RHEB: variants seen among roughly 807,000 people sequenced by gnomAD.
The protein encoded by RHEB is Ras homolog, mTORC1 binding.
A neutral mutation model predicts 28.8 loss-of-function variants in RHEB; 2 were observed. The observed-to-expected ratio is 0.07, with a 90% CI of 0.03 to 0.22. RHEB has a LOEUF of 0.22. Ranked by LOEUF, RHEB falls within the 10% of genes least tolerant of loss-of-function variation. The probability of loss-of-function intolerance (pLI) is 1.00; values close to 1 mark genes in which losing one functional copy is unlikely to be tolerated. For synonymous variants in RHEB, 69 were observed against 77.3 expected, an observed-to-expected ratio of 0.89 and a Z score of 0.56; for missense variants, 76 against 219.9, an observed-to-expected ratio of 0.35 and a Z score of 4.14.
At chr7:151,476,647 G>T (rs187150109) in intron 4 of RHEB, among the ~76,000 whole-genome samples, 1 of 152,242 alleles carries the variant, frequency 6.6e-6, no homozygotes, top group African/African-American at 2.4e-5. Flanking sequence ...CTAACATGTC[G>T]CACACACTCA....
In RHEB at chr7:151,466,586, C is replaced by G. The variant is rs1027009909; in HGVS notation, c.*533G>C. On this transcript the variant is annotated 3_prime_UTR_variant, in exon 8 of 8. Transcript: ENST00000262187. ...ACGGTCAGCAGCCACCTCAGCACAC[C>G]TCCTCCTGTGGCCACATCTTCACTG... 6.4e-6 allele frequency: 1 copy of G among 155,366 alleles called. No homozygotes were observed. The highest frequency in any genetic ancestry group is 6.5e-5 in the Admixed American group (1 of 15,434). The allele number at this position is 155,366 out of a possible 1,614,324, so 9.6% of individuals were successfully genotyped here.
intron 7 of RHEB, 55 bp from the exon 8 acceptor site, chr7:151,467,266 G>A (rs1420858112): frequency 3.1e-6 from 4 of 1,296,604 alleles, no homozygotes; most frequent in Middle Eastern, 1.8e-4. Context: ...AACTCCGAGA[G>A]TATTTTACGG....
chr7:151,501,658 G>C (rs1229079272), intron 1 of RHEB, among the ~76,000 whole-genome samples: 1 of 152,166 alleles, frequency 6.6e-6, no homozygotes, highest in Non-Finnish European at 1.5e-5. Flanking sequence ...TGTTTATACT[G>C]GTTTTACTCA....
At chr7:151,479,545 T>C (rs567289958) in intron 3 of RHEB, among the ~76,000 whole-genome samples, 4 of 151,920 alleles carry the variant, frequency 2.6e-5, no homozygotes, top group South Asian at 2.1e-4. Flanking sequence ...TAGCTGGGCG[T>C]GGTGGCGGGC....
rs948841083 is a variant in RHEB at position 151,468,439 on chromosome 7, A to G, written c.463-1228T>C. ...ACCGTAAACGCTGCCCAGGGAAAAC[A>G]CACACCGCTCACTGCTGACCTCACA... On this transcript the variant is annotated intron_variant, in intron 7 of 7. Coordinates refer to ENST00000262187, the MANE Select transcript of RHEB (RefSeq NM_005614.4). This position sits in a 1 kb window ranked among gnomAD's most constrained non-coding sequence, Gnocchi z 4.3. Among the ~76,000 whole-genome samples, 3 of 152,112 alleles carry G rather than the reference A, an allele frequency of 2.0e-5. No homozygotes were observed. The highest frequency in any genetic ancestry group is 4.4e-5 in the Non-Finnish European group (3 of 68,024).
At chr7:151,500,783 A>T (rs1320700659) in intron 1 of RHEB, among the ~76,000 whole-genome samples, 1 of 152,206 alleles carries the variant, frequency 6.6e-6, no homozygotes, top group African/African-American at 2.4e-5. Context: ...CCAGGATTTA[A>T]GACCTGCCTG....
At chr7:151,504,364 G>T (rs1003537442) in intron 1 of RHEB, among the ~76,000 whole-genome samples, 2 of 152,186 alleles carry the variant, frequency 1.3e-5, no homozygotes, top group African/African-American at 4.8e-5. Context: ...TGGTATACAA[G>T]GGGGACTGGT....
intron 1 of RHEB, among the ~76,000 whole-genome samples, chr7:151,505,687 G>A (rs1214888117): frequency 6.6e-6 from 1 of 152,148 alleles, no homozygotes; most frequent in African/African-American, 2.4e-5. Flanking sequence ...TGTCCACGAA[G>A]ACATTTACTC....
At chr7:151,473,939 T>C (rs1355298388) in intron 4 of RHEB, among the ~76,000 whole-genome samples, 2 of 152,128 alleles carry the variant, frequency 1.3e-5, no homozygotes, top group Non-Finnish European at 2.9e-5. Context: ...ATCACAGCAA[T>C]CTAAATAGTT....
At chr7:151,485,388 A>C (rs187878957) in intron 2 of RHEB, among the ~76,000 whole-genome samples, 1 of 152,384 alleles carries the variant, frequency 6.6e-6, no homozygotes, top group Admixed American at 6.5e-5. Context: ...GGAGGAAAGA[A>C]AATCAGACTT....
At chr7:151,481,329 C>T (rs974539006) in intron 3 of RHEB, among the ~76,000 whole-genome samples, 1 of 152,178 alleles carries the variant, frequency 6.6e-6, no homozygotes, top group African/African-American at 2.4e-5. Flanking sequence ...ACATAAACTA[C>T]TAAGTAGTAA....
At position 151,466,129 on chromosome 7, in the gene RHEB, T is replaced by TC. The variant is rs1802056437; in HGVS notation, c.*989dup. 1 of 152,200 alleles carries TC rather than the reference T, an allele frequency of 6.6e-6. No individual in the cohort carries two copies. The highest frequency in any genetic ancestry group is 1.5e-5 in the Non-Finnish European group (1 of 68,028). The allele number at this position is 152,200 out of a possible 1,614,324, so 9.4% of individuals were successfully genotyped here. A position where few individuals can be genotyped will look rare whatever the true frequency, so the allele number is the denominator to read the frequency against. ...AATCGTTTAAAAAGCACTGCTCAACTCCAAGTTTGACTTACAGACAAGGTA... is the reference window on the plus strand; with the variant it reads ...AATCGTTTAAAAAGCACTGCTCAACTCCCAAGTTTGACTTACAGACAAGGTA... On this transcript the variant is annotated 3_prime_UTR_variant, in exon 8 of 8. Transcript: ENST00000262187.
intron 1 of RHEB, among the ~76,000 whole-genome samples, chr7:151,507,601 T>A (rs1332523587): frequency 6.6e-6 from 1 of 152,168 alleles, no homozygotes; most frequent in African/African-American, 2.4e-5. Flanking sequence ...ATCTCGCTTG[T>A]TCCTGTGAGC....
In RHEB at chr7:151,490,908, T is replaced by C. The variant is rs200744785; in HGVS notation, c.124+35A>G. The C allele has an allele frequency of 4.9e-4, 724 of 1,470,626 alleles. 1 individual carries two copies. In the Middle Eastern group the frequency reaches 0.018, roughly 36 times the overall value. 91.1% of individuals were successfully genotyped at this position (1,470,626 alleles called of 1,614,324 possible). On this transcript the variant is annotated intron_variant, in intron 2 of 7. Coordinates refer to ENST00000262187, the MANE Select transcript of RHEB (RefSeq NM_005614.4). Reference sequence around the variant, plus strand: ...ATGGCTATTTTACACAAAAGAAGGCTTCTCAGTTTTTAAGTACTTGAAAAC... The same window carrying C: ...ATGGCTATTTTACACAAAAGAAGGCCTCTCAGTTTTTAAGTACTTGAAAAC...
intron 1 of RHEB, among the ~76,000 whole-genome samples, chr7:151,491,749 A>G (rs1395674916): frequency 6.8e-6 from 1 of 146,936 alleles, no homozygotes; most frequent in Non-Finnish European, 1.5e-5. Context: ...AAAAAAAAAA[A>G]GGGTAATCTG....
At chr7:151,494,115 T>G (rs1332879350) in intron 1 of RHEB, among the ~76,000 whole-genome samples, 1 of 152,140 alleles carries the variant, frequency 6.6e-6, no homozygotes, top group Non-Finnish European at 1.5e-5. Flanking sequence ...ATTTTCTCCC[T>G]AAAGATATGG....
At chr7:151,471,693 A>G in intron 4 of RHEB, 88 bp from the exon 5 acceptor site, 1 of 830,226 alleles carries the variant, frequency 1.2e-6, no homozygotes, top group Admixed American at 2.3e-5. Context: ...AAAATGTAAA[A>G]TGTCACAGAC....
At chr7:151,502,793 T>C (rs1456134994) in intron 1 of RHEB, 6 of 1,420,554 alleles carry the variant, frequency 4.2e-6, no homozygotes, top group East Asian at 2.3e-5. Context: ...CAGAGACTGC[T>C]GTGCAGCTAT....
intron 1 of RHEB, among the ~76,000 whole-genome samples, chr7:151,498,584 C>G (rs551661534): frequency 6.6e-6 from 1 of 152,098 alleles, no homozygotes; most frequent in Non-Finnish European, 1.5e-5. Context: ...GCCTGGGTGA[C>G]AGAGTGAGAC....
Sources: gnomAD v4.1 joint callset for allele counts (sites outside exome capture counted in the v4.1 genomes callset) on GRCh38, gnomAD v4.1.1 for gene constraint, Gnocchi (gnomAD v3.1) non-coding constraint, MANE v1.5 for transcripts, NCBI Gene and HGNC (gene_info 2026-07-23, HGNC 2026-07-21) for gene names.